TASP1: variants seen among roughly 807,000 people sequenced by gnomAD.
The protein encoded by TASP1 is threonine aspartase 1.
In TASP1, 16 loss-of-function variants were observed where a neutral mutation model predicts 56.6. The observed-to-expected ratio is 0.28, with a 90% CI of 0.19 to 0.43. The LOEUF is 0.43. TASP1 is among the 20% of genes least tolerant of loss of function. TASP1 has a pLI of 1.00. For missense variants in TASP1, 393 were observed against 511.6 expected (o/e 0.77, Z 2.24); for synonymous variants, 179 against 184.2 (o/e 0.97, Z 0.23).
chr20:13,114,581 C>A, the TASP1 span, among the ~76,000 whole-genome samples: 1 of 152,176 alleles, frequency 6.6e-6, no homozygotes, highest in Non-Finnish European at 1.5e-5. Context: ...AGAATGTAAG[C>A]TATTCTCCTA....
chr20:13,225,352 CAA>C, the TASP1 span, among the ~76,000 whole-genome samples: 5 of 152,242 alleles, frequency 3.3e-5, no homozygotes, highest in African/African-American at 9.6e-5. Flanking sequence ...GTCATACACT[CAA>C]GAGAGAGAAA....
At chr20:13,311,118 C>T in the TASP1 span, among the ~76,000 whole-genome samples, 10 of 151,990 alleles carry the variant, frequency 6.6e-5, no homozygotes, top group Non-Finnish European at 1.2e-4. Flanking sequence ...CACTTGAACC[C>T]GGGAAGCGGA....
At chr20:13,280,397 C>G in the TASP1 span, among the ~76,000 whole-genome samples, 10 of 148,696 alleles carry the variant, frequency 6.7e-5, no homozygotes, top group Non-Finnish European at 7.5e-5. Context: ...AGTAACCCCC[C>G]CCCCCCAATA....
the TASP1 span, among the ~76,000 whole-genome samples, chr20:13,129,328 C>T: frequency 1.3e-5 from 2 of 152,184 alleles, no homozygotes; most frequent in Non-Finnish European, 1.5e-5. Flanking sequence ...AACCTTTTAA[C>T]ATTGAAGCGA....
the TASP1 span, among the ~76,000 whole-genome samples, chr20:13,323,884 C>T: frequency 6.6e-6 from 1 of 152,102 alleles, no homozygotes; most frequent in South Asian, 2.1e-4. Context: ...TTTTGGTCTC[C>T]TCTGACCAAA....
At chr20:13,282,050 G>A in the TASP1 span, among the ~76,000 whole-genome samples, 4 of 152,252 alleles carry the variant, frequency 2.6e-5, no homozygotes, top group East Asian at 1.9e-4. Flanking sequence ...CCAGAAATCC[G>A]TTTGAACAAG....
Position 13,435,045 on chromosome 20 carries a change from T to C in TASP1, c.1095A>G (p.Leu365=), listed in dbSNP as rs747166003. ...ACACAATGTATATGTCTCACTTACC[T>C]AGAAGTGTCTGCTTATTTTGGGAGG... ...PDSSQNKQTL[L]VEFLWSHTTE... is the part of the protein sequence containing the mutation. Residue 365 remains leucine, a splice_region_variant and synonymous_variant, in exon 12 of 14, where the codon CTA becomes CTG. Transcript: ENST00000337743. 6.2e-7 allele frequency: 1 copy of C among 1,606,730 alleles called. No homozygotes were observed. The highest frequency in any genetic ancestry group is 8.5e-7 in the Non-Finnish European group (1 of 1,175,554).
At chr20:13,510,273 T>G (rs535932326) in intron 10 of TASP1, among the ~76,000 whole-genome samples, 1 of 152,288 alleles carries the variant, frequency 6.6e-6, no homozygotes, top group East Asian at 1.9e-4. Flanking sequence ...GTTTATTAAT[T>G]TCCACACTAA....
At chr20:13,400,060 T>C (rs1390922079) in intron 13 of TASP1, among the ~76,000 whole-genome samples, 1 of 152,220 alleles carries the variant, frequency 6.6e-6, no homozygotes, top group Non-Finnish European at 1.5e-5. Flanking sequence ...ACCCCTTCCC[T>C]AGCTTCACAT....
chr20:13,153,587 G>A, the TASP1 span, among the ~76,000 whole-genome samples: 1 of 152,232 alleles, frequency 6.6e-6, no homozygotes, highest in South Asian at 2.1e-4. Context: ...ATTCAGCTTA[G>A]CTAAAAAGCA....
At chr20:13,290,387 T>C in the TASP1 span, among the ~76,000 whole-genome samples, 7 of 152,190 alleles carry the variant, frequency 4.6e-5, no homozygotes, top group East Asian at 1.9e-4. Context: ...CGGTGGCTCA[T>C]GCCTGTAATC....
chr20:13,185,734 T>A, the TASP1 span, among the ~76,000 whole-genome samples: 1 of 152,136 alleles, frequency 6.6e-6, no homozygotes, highest in Non-Finnish European at 1.5e-5. Context: ...GATTATTGTC[T>A]CATAAAAGTC....
the TASP1 span, chr20:13,288,688 G>A: frequency 2.1e-5 from 34 of 1,611,016 alleles, 1 homozygote; most frequent in South Asian, 7.7e-5. Flanking sequence ...GCCCAGGTGC[G>A]TTTACCTGAG....
the TASP1 span, among the ~76,000 whole-genome samples, chr20:13,181,037 G>C: frequency 6.6e-6 from 1 of 152,134 alleles, no homozygotes; most frequent in Non-Finnish European, 1.5e-5. Context: ...CTGTAGGTTA[G>C]TGAACAAACA....
At chr20:13,320,181 G>A in the TASP1 span, among the ~76,000 whole-genome samples, 1 of 152,186 alleles carries the variant, frequency 6.6e-6, no homozygotes, top group African/African-American at 2.4e-5. Context: ...CATGGGTCCT[G>A]GAAGAGCACA....
the TASP1 span, among the ~76,000 whole-genome samples, chr20:13,148,097 G>A: frequency 6.6e-6 from 1 of 152,174 alleles, no homozygotes; most frequent in Non-Finnish European, 1.5e-5. Context: ...GGTCATTCTG[G>A]TAGTTTCAGC....
chr20:13,238,874 A>G, the TASP1 span: 1 of 152,174 alleles, frequency 6.6e-6, no homozygotes, highest in South Asian at 2.1e-4. Context: ...TGTTTAACCC[A>G]TTACTCCTGA....
intron 8 of TASP1, among the ~76,000 whole-genome samples, chr20:13,546,888 T>C (rs1421371448): frequency 1.3e-5 from 2 of 152,240 alleles, no homozygotes; most frequent in South Asian, 2.1e-4. Context: ...ATACTTCAGA[T>C]AACCTATCCC....
the TASP1 span, among the ~76,000 whole-genome samples, chr20:13,261,011 T>G: frequency 2.0e-5 from 3 of 152,306 alleles, no homozygotes; most frequent in Admixed American, 1.3e-4. Context: ...AGCTTGGCCT[T>G]CTTCACCGAG....
Sources: allele counts gnomAD v4.1 joint callset (sites outside exome capture counted in the v4.1 genomes callset), GRCh38; gene constraint gnomAD v4.1.1; transcripts MANE v1.5; gene names NCBI Gene and HGNC (gene_info 2026-07-23, HGNC 2026-07-21).